Variants in NLGN3 observed in about 807,000 individuals in gnomAD.
NLGN3 encodes the protein neuroligin-3.
Under a neutral mutation model 42.9 loss-of-function variants are expected in NLGN3, and 11 were observed. The observed-to-expected ratio is 0.26, with a 90% confidence interval of 0.16 to 0.42. The LOEUF (loss-of-function observed/expected upper bound fraction) is 0.42. Among genes scored for constraint, NLGN3 ranks in the 10% least tolerant of loss-of-function variants. The probability of loss-of-function intolerance (pLI) is 1.00; values close to 1 mark genes in which losing one functional copy is unlikely to be tolerated. For synonymous variants in NLGN3, 279 were observed against 312.7 expected (o/e 0.89, Z 1.14); for missense variants, 374 against 733.8 (o/e 0.51, Z 5.67).
chrX:71,158,212 G>A (rs1035666459), intron 5 of NLGN3, among the ~76,000 whole-genome samples: 5 of 110,132 alleles, frequency 4.5e-5, no homozygotes, highest in African/African-American at 1.7e-4. Context: ...CGAGCAGCTG[G>A]GATTATGGAT....
At chrX:71,168,833 G>GAA (rs1646060909) in intron 7 of NLGN3, among the ~76,000 whole-genome samples, 1 of 73,772 alleles carries the variant, frequency 1.4e-5, no homozygotes, top group Non-Finnish European at 2.3e-5. Flanking sequence ...AAGAAAGAAA[G>GAA]AAAGAAAGAA....
In NLGN3 at chrX:71,147,842, G is replaced by C. The variant is rs1258826819; in HGVS notation, c.93G>C (p.Leu31Phe). The C allele has an allele frequency of 1.7e-6, 2 of 1,208,242 alleles. No individual in the cohort carries two copies. Among genetic ancestry groups the C allele is most frequent in the Admixed American group, 4.4e-5 (2 of 45,810 alleles). The change falls in exon 2 of 8, where the codon TTG becomes TTC. Residue 31 changes from leucine (L) to phenylalanine (F), a missense_variant. By Grantham distance (22) the Leu-to-Phe change is conservative (BLOSUM62 0). Coordinates refer to ENST00000358741, the MANE Select transcript of NLGN3 (RefSeq NM_181303.2). ...SLCLTLWFLSLALRASTQAPA... is the reference protein window; with the variant it reads ...SLCLTLWFLSFALRASTQAPA... ...GCCTCACCCTGTGGTTCCTCAGTTT[G>C]GCGCTGAGGGCCAGTACCCAGGCCC...
In NLGN3 at chrX:71,164,223, G is replaced by A. The variant is rs1280234488; in HGVS notation, c.808G>A (p.Glu270Lys). ...DQIQALRWVS[E>K]NIAFFGGDPR... Reference sequence around the variant, plus strand: ...GATCCAGGCCCTCCGCTGGGTGAGCGAGAATATTGCCTTCTTCGGGGGAGA... The same window carrying A: ...GATCCAGGCCCTCCGCTGGGTGAGCAAGAATATTGCCTTCTTCGGGGGAGA... Residue 270 changes from glutamate (E) to lysine (K), a missense_variant, in exon 6 of 8, where the codon GAG becomes AAG. By Grantham distance (56) the Glu-to-Lys change is moderately conservative (BLOSUM62 1). Coordinates refer to ENST00000358741, the MANE Select transcript of NLGN3 (RefSeq NM_181303.2). The A allele has an allele frequency of 3.3e-6, 4 of 1,212,562 alleles. No homozygotes were observed. The highest frequency in any genetic ancestry group is 1.7e-5 in the African/African-American group (1 of 58,083).
downstream of NLGN3, among the ~76,000 whole-genome samples, chrX:71,172,648 G>GTT (rs1260080267): frequency 9.1e-6 from 1 of 110,387 alleles, no homozygotes; most frequent in Non-Finnish European, 1.9e-5. Flanking sequence ...GTGTGTGTGT[G>GTT]TGTGTGTGAG....
chrX:71,155,162 G>C (rs754705408), intron 4 of NLGN3, 52 bp from the exon 5 acceptor site: 46 of 1,200,720 alleles, frequency 3.8e-5, no homozygotes, highest in Middle Eastern at 5.3e-4. Flanking sequence ...TGGCAGGGGT[G>C]GGGGAGCAAG....
At chrX:71,162,309 A>T (rs913895536) in intron 5 of NLGN3, among the ~76,000 whole-genome samples, 1 of 111,027 alleles carries the variant, frequency 9.0e-6, no homozygotes, top group Non-Finnish European at 1.9e-5. Context: ...TTTTAAAAAC[A>T]AAAAGGGACA....
At chrX:71,160,213 C>CTTTTTTT (rs754499358) in intron 5 of NLGN3, among the ~76,000 whole-genome samples, 3 of 95,749 alleles carry the variant, frequency 3.1e-5, no homozygotes, top group African/African-American at 3.9e-5. Context: ...TTCTTTCTTT[C>CTTTTTTT]TTTTTTTTTT....
chrX:71,170,735 C>G lies in NLGN3; in HGVS notation c.*638C>G. The G allele has an allele frequency of 5.3e-6, 4 of 760,961 alleles. No individual in the cohort carries two copies. The highest frequency in any genetic ancestry group is 6.2e-6 in the Non-Finnish European group (4 of 643,064). The allele number at this position is 760,961 out of a possible 1,213,427, so 62.7% of individuals were successfully genotyped here. ...CCCCCAGGAAGGAAACAGATTTAAGCAAGACCATGGGGTGGAAGGAGAAAG... is the reference window on the plus strand; with the variant it reads ...CCCCCAGGAAGGAAACAGATTTAAGGAAGACCATGGGGTGGAAGGAGAAAG... On this transcript the variant is annotated 3_prime_UTR_variant, in exon 8 of 8. Transcript: ENST00000358741.
chrX:71,174,165 G>A (rs1291020308), downstream of NLGN3, among the ~76,000 whole-genome samples: 1 of 112,057 alleles, frequency 8.9e-6, no homozygotes, highest in African/African-American at 3.2e-5. Context: ...CAAGGAAAAC[G>A]ATTTTCAGAC....
chrX:71,149,536 CT>C (rs1163512571), intron 3 of NLGN3, among the ~76,000 whole-genome samples: 4 of 112,038 alleles, frequency 3.6e-5, no homozygotes, highest in Non-Finnish European at 7.5e-5. Context: ...GTTTCTCCCC[CT>C]GTATAATAAT....
intron 3 of NLGN3, among the ~76,000 whole-genome samples, chrX:71,151,454 A>C (rs1460050978): frequency 1.8e-5 from 2 of 112,275 alleles, no homozygotes; most frequent in Non-Finnish European, 3.8e-5. Context: ...GCCATTTGGA[A>C]GAGTGACAAA....
In NLGN3 at chrX:71,169,432, G is replaced by A. The variant is rs756381643; in HGVS notation, c.1882G>A (p.Val628Met). ...ATKVAFWKHL[V>M]PHLYNLHDMF... ...TAAGGTGGCCTTTTGGAAACATCTGGTGCCCCACCTATACAACCTGCATGA... is the reference window on the plus strand; with the variant it reads ...TAAGGTGGCCTTTTGGAAACATCTGATGCCCCACCTATACAACCTGCATGA... Residue 628 changes from valine (V) to methionine (M), a missense_variant, in exon 8 of 8, where the codon GTG becomes ATG. Transcript: ENST00000358741. 2 of 1,209,978 alleles carry A rather than the reference G, an allele frequency of 1.7e-6. No homozygotes were observed. The highest frequency in any genetic ancestry group is 3.0e-5 in the East Asian group (1 of 33,792).
rs61035049 is a variant in NLGN3 at position 71,164,836 on chromosome X, A to T, written c.913+508A>T. Among the ~76,000 whole-genome samples the T allele has an allele frequency of 6.3e-3, 704 of 111,054 alleles. 5 individuals carry two copies. Among genetic ancestry groups the T allele is most frequent in the African/African-American group, 0.022 (681 of 30,513 alleles). On this transcript the variant is annotated intron_variant, in intron 6 of 7. Coordinates refer to ENST00000358741, the MANE Select transcript of NLGN3 (RefSeq NM_181303.2). ...CCACGAGGTGGGCTTCTTCCATAGGACGATGGTCTATTATCAGACTCCAGA... is the reference window on the plus strand; with the variant it reads ...CCACGAGGTGGGCTTCTTCCATAGGTCGATGGTCTATTATCAGACTCCAGA...
chrX:71,161,972 G>A (rs1333975847), intron 5 of NLGN3, among the ~76,000 whole-genome samples: 1 of 112,028 alleles, frequency 8.9e-6, no homozygotes, highest in Non-Finnish European at 1.9e-5. Flanking sequence ...GACCACTATT[G>A]CCTAAATGAA....
rs763996578 is a variant in NLGN3 at position 71,169,518 on chromosome X, C to T, written c.1968C>T (p.Ser656=). ...KVPPPDTTHS[S]HITRRPNGKT... is the part of the protein sequence containing the mutation. ...CGCCTCCGGATACCACCCACAGCTC[C>T]CACATCACCCGCAGGCCCAATGGCA... is the stretch of plus-strand genomic sequence containing the variant. The change falls in exon 8 of 8, where the codon TCC becomes TCT. Residue 656 remains serine, a synonymous_variant. Transcript: ENST00000358741. 5 of 1,210,482 alleles carry T rather than the reference C, an allele frequency of 4.1e-6. No individual in the cohort carries two copies. The highest frequency in any genetic ancestry group is 1.8e-5 in the South Asian group (1 of 56,851).
At position 71,171,171 on chromosome X, in the gene NLGN3, T is replaced by C; in HGVS notation, c.*1074T>C. ...AAATTTTAAACACAGTGTCTTGATA[T>C]AAAAATAAAAAATCCAGTTAGCACT... On this transcript the variant is annotated 3_prime_UTR_variant, in exon 8 of 8. Transcript: ENST00000358741. 1.3e-6 allele frequency: 1 copy of C among 752,253 alleles called. No individual in the cohort carries two copies. The highest frequency in any genetic ancestry group is 1.6e-6 in the Non-Finnish European group (1 of 638,607). 62.0% of individuals were successfully genotyped at this position (752,253 alleles called of 1,213,427 possible).
At chrX:71,156,363 T>C (rs2092409003) in intron 5 of NLGN3, among the ~76,000 whole-genome samples, 1 of 109,000 alleles carries the variant, frequency 9.2e-6, no homozygotes, top group Non-Finnish European at 1.9e-5. Flanking sequence ...TACACACATA[T>C]ACTCTTACCT....
At chrX:71,161,773 T>TA (rs945733406) in intron 5 of NLGN3, among the ~76,000 whole-genome samples, 6 of 110,097 alleles carry the variant, frequency 5.4e-5, no homozygotes, top group Admixed American at 9.6e-5. Context: ...AAACTCCTTC[T>TA]AAAAAAAAAT....
intron 3 of NLGN3, among the ~76,000 whole-genome samples, chrX:71,150,920 C>G (rs185173880): frequency 7.4e-4 from 82 of 111,014 alleles, no homozygotes; most frequent in South Asian, 3.0e-3. Flanking sequence ...AGGCCATGTG[C>G]TAGGTGTTGT....
Sources: gnomAD v4.1 joint callset for allele counts (sites outside exome capture counted in the v4.1 genomes callset) on GRCh38, gnomAD v4.1.1 for gene constraint, MANE v1.5 for transcripts, NCBI Gene and HGNC (gene_info 2026-07-23, HGNC 2026-07-21) for gene names.